The following KAZN variants were observed in gnomAD, a reference collection of about 807,000 sequenced individuals.
KAZN encodes kazrin, periplakin interacting protein, also known as kazrin.
KAZN carries 40 observed loss-of-function variants against 87.4 expected under a neutral mutation model. That is an observed-to-expected ratio of 0.46 (90% CI 0.36 to 0.60). KAZN has a LOEUF of 0.60. Ranked by LOEUF, KAZN falls within the 20% of genes least tolerant of loss-of-function variation. The pLI is 0.00. For synonymous variants in KAZN, 466 were observed against 458.3 expected, an observed-to-expected ratio of 1.02 and a Z score of -0.22; for missense variants, 898 against 1,073.9, an observed-to-expected ratio of 0.84 and a Z score of 2.29.
chr1:13,903,281 C>T (rs1435096442), intron 1 of KAZN, among the ~76,000 whole-genome samples: 1 of 152,182 alleles, frequency 6.6e-6, no homozygotes, highest in African/African-American at 2.4e-5. Flanking sequence ...GTTCCTTGAC[C>T]AATTCAGATC....
At chr1:14,715,777 G>A (rs1642761612) in intron 1 of KAZN, among the ~76,000 whole-genome samples, 1 of 152,150 alleles carries the variant, frequency 6.6e-6, no homozygotes, top group Non-Finnish European at 1.5e-5. Flanking sequence ...GGTTAAGTCG[G>A]TATTTAAAAG....
intron 2 of KAZN, among the ~76,000 whole-genome samples, chr1:14,269,185 A>G (rs920067762): frequency 6.6e-6 from 1 of 152,140 alleles, no homozygotes; most frequent in Non-Finnish European, 1.5e-5. Flanking sequence ...GGGGATTTAG[A>G]TATTACAATT....
At chr1:15,092,463 T>TTGTTTTGTTTTGTTTTGTTC in intron 8 of KAZN, among the ~76,000 whole-genome samples, 1 of 152,026 alleles carries the variant, frequency 6.6e-6, no homozygotes, top group East Asian at 1.9e-4. Flanking sequence ...TTGTTTTGTT[T>TTGTTTTGTTTTGTTTTGTTC]TGTTTTGTTT....
Position 14,519,172 on chromosome 1 carries a change from CAAA to C in KAZN, c.250-79808_250-79806del, listed in dbSNP as rs747654227. ...TAAAAAAAAATTTAAATAATAAAAA[CAAA>C]AAGTTTCTGGAATCAAAGAAATAGC... On this transcript the variant is annotated intron_variant, in intron 2 of 16. Coordinates refer to the KAZN transcript ENST00000636203. Among the ~76,000 whole-genome samples, 4 of 151,936 alleles carry C rather than the reference CAAA, an allele frequency of 2.6e-5. No homozygotes were observed. The East Asian group carries it at 5.8e-4, about 22-fold the overall frequency.
At chr1:15,078,866 A>T (rs530039726) in intron 8 of KAZN, among the ~76,000 whole-genome samples, 2 of 152,180 alleles carry the variant, frequency 1.3e-5, no homozygotes, top group African/African-American at 4.8e-5. Context: ...AATTCCCCCC[A>T]CCAAGGACCT....
At chr1:14,230,878 A>T (rs1647759524) in intron 2 of KAZN, among the ~76,000 whole-genome samples, 1 of 152,190 alleles carries the variant, frequency 6.6e-6, no homozygotes, top group South Asian at 2.1e-4. Context: ...AAGATCATAA[A>T]TGATGGTCTC....
At chr1:14,782,265 G>A (rs1473864595) in intron 1 of KAZN, among the ~76,000 whole-genome samples, 2 of 151,832 alleles carry the variant, frequency 1.3e-5, no homozygotes, top group Admixed American at 6.6e-5. Context: ...TGCACCTCCC[G>A]GCTGGGTGCG....
At chr1:14,758,153 T>TCCTC (rs71000337) in intron 1 of KAZN, among the ~76,000 whole-genome samples, 2 of 149,108 alleles carry the variant, frequency 1.3e-5, no homozygotes, top group African/African-American at 2.5e-5. Flanking sequence ...CTTCCTCCCT[T>TCCTC]CCTCCCTCCC....
chr1:14,419,324 C>T (rs540350870), intron 2 of KAZN, among the ~76,000 whole-genome samples: 126 of 152,314 alleles, frequency 8.3e-4, no homozygotes, highest in African/African-American at 2.6e-3. Context: ...GACCCCTATT[C>T]TGTCTGACGT....
At chr1:14,257,735 T>C (rs2100639220) in intron 2 of KAZN, among the ~76,000 whole-genome samples, 1 of 138,070 alleles carries the variant, frequency 7.2e-6, no homozygotes, top group East Asian at 2.2e-4. Flanking sequence ...TAGGTGGGAA[T>C]TGAACAATGA....
chr1:15,021,349 C>G lies in KAZN; in HGVS notation c.419-13400C>G, dbSNP rs1363325450. ...TTGCATTTCCAGAAATCTCCATTTC[C>G]CCCTCCCGCTTCAACCTAGGGAATG... is the stretch of plus-strand genomic sequence containing the variant. On this transcript the variant is annotated intron_variant, in intron 2 of 14. Coordinates refer to ENST00000376030, the MANE Select transcript of KAZN (RefSeq NM_201628.3). This position sits in a 1 kb window ranked among gnomAD's most constrained non-coding sequence, Gnocchi z 4.2. Among the ~76,000 whole-genome samples, 2 of 152,230 alleles carry G rather than the reference C, an allele frequency of 1.3e-5. No homozygotes were observed. The highest frequency in any genetic ancestry group is 2.9e-5 in the Non-Finnish European group (2 of 68,046).
chr1:14,163,046 T>C (rs1255363340), intron 1 of KAZN, among the ~76,000 whole-genome samples: 3 of 151,976 alleles, frequency 2.0e-5, no homozygotes, highest in East Asian at 1.9e-4. Context: ...AAGAAGAAAC[T>C]AGGTGGTATC....
In KAZN at chr1:14,907,975, A is replaced by T. The variant is rs571007732; in HGVS notation, c.227-52709A>T. ...CCAACCCAGACTGGGGCTCCATGAG[A>T]TAGGTCATAGCTTCTGAGCACTAAC... On this transcript the variant is annotated intron_variant, in intron 1 of 14. Coordinates refer to ENST00000376030, the MANE Select transcript of KAZN (RefSeq NM_201628.3). 3.9e-5 allele frequency among the ~76,000 whole-genome samples: 6 copies of T among 152,342 alleles called. No individual in the cohort carries two copies. The South Asian group carries it at 1.2e-3, about 32-fold the overall frequency.
rs1290411215 is a variant in KAZN, at chr1:15,056,030, C to T, written c.727-61C>T. The T allele has an allele frequency of 1.3e-6, 2 of 1,515,554 alleles. 1 individual carries two copies. The highest frequency in any genetic ancestry group is 2.5e-5 in the South Asian group (2 of 81,476). The allele number at this position is 1,515,554 out of a possible 1,614,324, so 93.9% of individuals were successfully genotyped here. A position where few individuals can be genotyped will look rare whatever the true frequency, so the allele number is the denominator to read the frequency against. On this transcript the variant is annotated intron_variant, in intron 4 of 14. Transcript: ENST00000376030. This position sits in a 1 kb window ranked among gnomAD's most constrained non-coding sequence, Gnocchi z 5.4. ...CCCCATGGCGGTGGGTGGTGCCAAG[C>T]AGCTGGCCAAGAGTTCCCCTTGATC...
intron 1 of KAZN, among the ~76,000 whole-genome samples, chr1:13,985,635 T>C (rs1638981939): frequency 6.6e-6 from 1 of 151,042 alleles, no homozygotes; most frequent in South Asian, 2.1e-4. Context: ...ATTTTTATCA[T>C]CCCTCCAAAA....
intron 1 of KAZN, among the ~76,000 whole-genome samples, chr1:14,833,422 A>G (rs1477210852): frequency 6.6e-6 from 1 of 152,092 alleles, no homozygotes; most frequent in Non-Finnish European, 1.5e-5. Context: ...TGAGACAGGG[A>G]AGGAAAGGGG....
intron 2 of KAZN, among the ~76,000 whole-genome samples, chr1:14,355,394 A>G (rs1488088279): frequency 3.0e-5 from 4 of 135,056 alleles, no homozygotes; most frequent in Admixed American, 8.5e-5. Context: ...TTGTTGAACA[A>G]TCTACATATT....
At chr1:14,576,440 AATGGATGGATGGATGGATATATTAATGG>A (rs1557811122) in intron 2 of KAZN, among the ~76,000 whole-genome samples, 1 of 150,554 alleles carries the variant, frequency 6.6e-6, no homozygotes. Context: ...TGAATGGAAC[AATGGATGGATGGATGGATATATTAATGG>A]ATGGATGGAT....
chr1:14,212,675 A>C (rs1006843923), intron 2 of KAZN, among the ~76,000 whole-genome samples: 25 of 152,086 alleles, frequency 1.6e-4, no homozygotes, highest in African/African-American at 5.8e-4. Context: ...CTTTATATCC[A>C]GTTGACAGCC....
Sources: allele counts gnomAD v4.1 joint callset (sites outside exome capture counted in the v4.1 genomes callset), GRCh38; gene constraint gnomAD v4.1.1; non-coding constraint Gnocchi (gnomAD v3.1); transcripts MANE v1.5; gene names NCBI Gene and HGNC (gene_info 2026-07-23, HGNC 2026-07-21).